The following RPS6KA2 variants were observed in gnomAD, a reference collection of about 807,000 sequenced individuals.
RPS6KA2 encodes ribosomal protein S6 kinase alpha-2.
In RPS6KA2, 42 loss-of-function variants were observed where a neutral mutation model predicts 91.8. The ratio of observed to expected loss-of-function variants is 0.46; its 90% CI spans 0.36 to 0.59. The LOEUF is 0.59. Among genes scored for constraint, RPS6KA2 ranks in the 20% least tolerant of loss-of-function variants. RPS6KA2 has a pLI of 0.00. For synonymous variants in RPS6KA2, 414 were observed against 393.6 expected, an observed-to-expected ratio of 1.05 and a Z score of -0.61; for missense variants, 798 against 978.5, an observed-to-expected ratio of 0.82 and a Z score of 2.46.
rs145240029 is a variant in RPS6KA2 at position 166,575,123 on chromosome 6, C to T, written c.100-36339G>A. Among the ~76,000 whole-genome samples, 362 of 152,336 alleles carry T rather than the reference C, an allele frequency of 2.4e-3. 3 individuals are homozygous for T. Among genetic ancestry groups the T allele is most frequent in the African/African-American group, 8.3e-3 (343 of 41,570 alleles). ...CACCAACAAAACTAGACATGCAAAA[C>T]GCCTGGCTCTTTTAACACAGCTTTT... is the stretch of plus-strand genomic sequence containing the variant. On this transcript the variant is annotated intron_variant, in intron 1 of 20. Coordinates refer to ENST00000265678, the MANE Select transcript of RPS6KA2 (RefSeq NM_021135.6).
At chr6:166,558,018 G>T (rs574110311) in intron 1 of RPS6KA2, among the ~76,000 whole-genome samples, 38 of 152,064 alleles carry the variant, frequency 2.5e-4, no homozygotes, top group African/African-American at 8.7e-4. Context: ...ATATAGGTGT[G>T]TATGTATGTG....
intron 1 of RPS6KA2, among the ~76,000 whole-genome samples, chr6:166,552,309 T>A (rs765736036): frequency 2.0e-5 from 3 of 152,226 alleles, no homozygotes; most frequent in Non-Finnish European, 4.4e-5. Flanking sequence ...AAGGAATCGA[T>A]GAAAACTTGT....
chr6:166,559,395 C>T (rs1784274248), intron 1 of RPS6KA2, among the ~76,000 whole-genome samples: 1 of 152,186 alleles, frequency 6.6e-6, no homozygotes, highest in Non-Finnish European at 1.5e-5. Flanking sequence ...TGTGCACCAG[C>T]CAAACACGCA....
At position 166,437,582 on chromosome 6, in the gene RPS6KA2, C is replaced by T. The variant is rs944209623; in HGVS notation, c.1333-5092G>A. Among the ~76,000 whole-genome samples the T allele has an allele frequency of 2.6e-5, 4 of 152,314 alleles. No homozygotes were observed. Among genetic ancestry groups the T allele is most frequent in the Admixed American group, 6.5e-5 (1 of 15,300 alleles). ...CCAGGGGTTGGCCACCCACCACAGCCGGTAAATAAACTTTCCATGGTGTTG... is the reference window on the plus strand; with the variant it reads ...CCAGGGGTTGGCCACCCACCACAGCTGGTAAATAAACTTTCCATGGTGTTG... On this transcript the variant is annotated intron_variant, in intron 14 of 20. Coordinates refer to ENST00000265678, the MANE Select transcript of RPS6KA2 (RefSeq NM_021135.6). This position sits in a 1 kb window ranked among gnomAD's most constrained non-coding sequence, Gnocchi z 4.3.
intron 2 of RPS6KA2, among the ~76,000 whole-genome samples, chr6:166,729,172 G>T (rs1446653146): frequency 6.6e-6 from 1 of 152,130 alleles, no homozygotes; most frequent in Admixed American, 6.5e-5. Flanking sequence ...GACATCCATC[G>T]GCCAGACAAC....
chr6:166,476,795 A>G (rs971883152), intron 10 of RPS6KA2, among the ~76,000 whole-genome samples: 14 of 152,212 alleles, frequency 9.2e-5, no homozygotes, highest in African/African-American at 3.4e-4. Flanking sequence ...TTGGGCCCTG[A>G]GGTCCTGTGT....
intron 1 of RPS6KA2, among the ~76,000 whole-genome samples, chr6:166,609,506 ATTTT>A (rs72047171): frequency 2.1e-5 from 3 of 140,342 alleles, no homozygotes; most frequent in Admixed American, 7.1e-5. Context: ...CAAAAGTTTA[ATTTT>A]TTTTTTTTTT....
chr6:166,495,940 C>G lies in RPS6KA2; in HGVS notation c.747+2568G>C, dbSNP rs1293538307. Among the ~76,000 whole-genome samples, 2 of 152,224 alleles carry G rather than the reference C, an allele frequency of 1.3e-5. No homozygotes were observed. The highest frequency in any genetic ancestry group is 2.9e-5 in the Non-Finnish European group (2 of 68,054). On this transcript the variant is annotated intron_variant, in intron 8 of 20. Coordinates refer to ENST00000265678, the MANE Select transcript of RPS6KA2 (RefSeq NM_021135.6). This position sits in a 1 kb window ranked among gnomAD's most constrained non-coding sequence, Gnocchi z 4.4. ...GGCGAGCCCGACGTGGTCTCATTTC[C>G]TCTTCTTCTGGCCCCTCGTCGTGTC...
In RPS6KA2 at chr6:166,435,567, G is replaced by A. The variant is rs1030440773; in HGVS notation, c.1333-3077C>T. On this transcript the variant is annotated intron_variant, in intron 14 of 20. Transcript: ENST00000265678. This position sits in a 1 kb window ranked among gnomAD's most constrained non-coding sequence, Gnocchi z 4.3. ...CTGAGGTGGCATTTGGGGAAATGGAGGAAAATGAAAGAAGCTCCCAGGCTG... is the reference window on the plus strand; with the variant it reads ...CTGAGGTGGCATTTGGGGAAATGGAAGAAAATGAAAGAAGCTCCCAGGCTG... Among the ~76,000 whole-genome samples the A allele has an allele frequency of 6.6e-6, 1 of 152,240 alleles. No individual in the cohort carries two copies. The highest frequency in any genetic ancestry group is 1.5e-5 in the Non-Finnish European group (1 of 68,036).
chr6:166,655,839 G>A (rs555278635), intron 2 of RPS6KA2, among the ~76,000 whole-genome samples: 13 of 152,278 alleles, frequency 8.5e-5, no homozygotes, highest in Non-Finnish European at 1.5e-4. Flanking sequence ...GCAGGCCCAC[G>A]GCTCAGCGAC....
At chr6:166,487,315 A>G (rs1353160329) in intron 10 of RPS6KA2, among the ~76,000 whole-genome samples, 1 of 152,120 alleles carries the variant, frequency 6.6e-6, no homozygotes, top group East Asian at 1.9e-4. Flanking sequence ...CTGTGACATC[A>G]CCCATGCCAC....
chr6:166,586,622 A>G, intron 1 of RPS6KA2: 1 of 685,970 alleles, frequency 1.5e-6, no homozygotes. Context: ...CTGGTCCACT[A>G]CACCGTGGAA....
At chr6:166,525,264 G>A (rs764359747) in intron 3 of RPS6KA2, among the ~76,000 whole-genome samples, 1 of 152,138 alleles carries the variant, frequency 6.6e-6, no homozygotes, top group Non-Finnish European at 1.5e-5. Context: ...TATATAGAAC[G>A]GTTACCTGTA....
chr6:166,660,765 G>T (rs1219498962), intron 2 of RPS6KA2, among the ~76,000 whole-genome samples: 1 of 152,034 alleles, frequency 6.6e-6, no homozygotes. Context: ...GCGTTTCCTC[G>T]GGTTTTCTGA....
chr6:166,787,062 C>A (rs914941074), intron 2 of RPS6KA2, among the ~76,000 whole-genome samples: 3 of 152,038 alleles, frequency 2.0e-5, no homozygotes, highest in African/African-American at 7.2e-5. Flanking sequence ...AAATATTTTT[C>A]CTAAATTAGG....
At chr6:166,659,422 T>A (rs551729195) in intron 2 of RPS6KA2, among the ~76,000 whole-genome samples, 4 of 152,170 alleles carry the variant, frequency 2.6e-5, no homozygotes, top group African/African-American at 9.7e-5. Context: ...AGGAAGACGA[T>A]CGTGCAGGAC....
rs1400374423 is a variant in RPS6KA2 at position 166,459,300 on chromosome 6, G to C, written c.1075+149C>G. On this transcript the variant is annotated intron_variant, in intron 12 of 20. Transcript: ENST00000265678. The surrounding 1 kb of genome is among the most constrained non-coding windows in gnomAD (Gnocchi z 4.9). ...ACTTAAACCTTTATCACTGAGCAGA[G>C]AAAACAACAACAAAAAACCCAAACA... 1.7e-6 allele frequency: 1 copy of C among 598,710 alleles called. No individual in the cohort carries two copies. Among genetic ancestry groups the C allele is most frequent in the Non-Finnish European group, 3.0e-6 (1 of 335,994 alleles). 37.1% of individuals were successfully genotyped at this position (598,710 alleles called of 1,614,324 possible).
intron 3 of RPS6KA2, among the ~76,000 whole-genome samples, chr6:166,521,044 C>T (rs900638369): frequency 7.2e-5 from 11 of 152,240 alleles, no homozygotes; most frequent in South Asian, 2.1e-4. Context: ...CTGGCTGTCC[C>T]GGGTGCAGCT....
intron 2 of RPS6KA2, among the ~76,000 whole-genome samples, chr6:166,731,009 G>A (rs1790494710): frequency 1.3e-5 from 2 of 152,194 alleles, no homozygotes; most frequent in Admixed American, 1.3e-4. Context: ...TTGGGAGGCC[G>A]AGGCGGGCGG....
Sources: allele counts gnomAD v4.1 joint callset (sites outside exome capture counted in the v4.1 genomes callset), GRCh38; gene constraint gnomAD v4.1.1; non-coding constraint Gnocchi (gnomAD v3.1); transcripts MANE v1.5; gene names NCBI Gene and HGNC (gene_info 2026-07-23, HGNC 2026-07-21).